TENM2: variants seen among roughly 807,000 people sequenced by gnomAD.
TENM2 encodes the protein teneurin transmembrane protein 2.
TENM2 carries 52 observed loss-of-function variants against 245.2 expected under a neutral mutation model. The observed-to-expected ratio is 0.21, with a 90% CI of 0.17 to 0.27. The LOEUF (loss-of-function observed/expected upper bound fraction) is 0.27. Among genes scored for constraint, TENM2 ranks in the 10% least tolerant of loss-of-function variants. The probability of loss-of-function intolerance (pLI) is 1.00; values close to 1 mark genes in which losing one functional copy is unlikely to be tolerated. For synonymous variants in TENM2, 1,363 were observed against 1,438.9 expected, an observed-to-expected ratio of 0.95 and a Z score of 1.19; for missense variants, 3,046 against 3,666.8, an observed-to-expected ratio of 0.83 and a Z score of 4.37.
At position 167,867,378 on chromosome 5, in the gene TENM2, A is replaced by T. The variant is rs568179482; in HGVS notation, c.503-8608A>T. 2.0e-5 allele frequency among the ~76,000 whole-genome samples: 3 copies of T among 152,356 alleles called. No homozygotes were observed. The South Asian group carries it at 6.2e-4, about 32-fold the overall frequency. ...ATGTTGTTGGTGAGATATAGAAACG[A>T]CACCCAAATGCATAGGGTCTCAAAC... On this transcript the variant is annotated intron_variant, in intron 2 of 28. Transcript: ENST00000518659.
intron 2 of TENM2, among the ~76,000 whole-genome samples, chr5:167,448,723 G>C (rs1040654549): frequency 3.3e-5 from 5 of 151,730 alleles, no homozygotes; most frequent in Non-Finnish European, 7.4e-5. Context: ...AACGTACCGA[G>C]AAAGTTTACA....
rs1793435311 is a variant in TENM2 at position 168,097,150 on chromosome 5, T to C, written c.1712-876T>C. On this transcript the variant is annotated intron_variant, in intron 8 of 28. Transcript: ENST00000518659. The stretch of plus-strand genomic sequence containing the variant: ...ATTTAAGCAGTCTATGCATTTGGGT[T>C]TTTCTTTTATTAGAATTCCTTAAAG... Among the ~76,000 whole-genome samples the C allele has an allele frequency of 2.6e-5, 4 of 152,196 alleles. 1 individual carries two copies. Among genetic ancestry groups the C allele is most frequent in the African/African-American group, 9.7e-5 (4 of 41,442 alleles).
At chr5:168,132,605 T>C (rs148554639) in intron 12 of TENM2, among the ~76,000 whole-genome samples, 8 of 152,318 alleles carry the variant, frequency 5.3e-5, no homozygotes, top group East Asian at 1.9e-4. Flanking sequence ...TAGCTTGATA[T>C]AAGGTATTCC....
At chr5:168,201,377 AC>A (rs1295609638) in intron 17 of TENM2, among the ~76,000 whole-genome samples, 15 of 151,954 alleles carry the variant, frequency 9.9e-5, no homozygotes, top group African/African-American at 3.6e-4. Context: ...TGTAGCTAAT[AC>A]CAAAATGACA....
At chr5:167,316,674 G>GTA (rs1756383142) in intron 1 of TENM2, among the ~76,000 whole-genome samples, 1 of 152,140 alleles carries the variant, frequency 6.6e-6, no homozygotes, top group Admixed American at 6.6e-5. Context: ...GTTCACTTTA[G>GTA]TAAACTCTGT....
intron 2 of TENM2, among the ~76,000 whole-genome samples, chr5:167,716,084 C>T (rs1024800366): frequency 1.3e-4 from 20 of 152,090 alleles, no homozygotes; most frequent in Admixed American, 9.8e-4. Context: ...GCCAGGAGCC[C>T]GAGGCTCTTC....
At chr5:167,181,000 C>T in the TENM2 span, among the ~76,000 whole-genome samples, 239 of 151,824 alleles carry the variant, frequency 1.6e-3, 1 homozygote, top group African/African-American at 5.6e-3. Context: ...ATGGGACCTA[C>T]GCAGTTCAAA....
chr5:167,458,310 A>T (rs1766045668), intron 2 of TENM2, among the ~76,000 whole-genome samples: 1 of 145,432 alleles, frequency 6.9e-6, no homozygotes, highest in Admixed American at 7.0e-5. Context: ...AACATGGTGA[A>T]ACCCTGTCTC....
At chr5:167,417,689 C>T (rs886692846) in intron 2 of TENM2, among the ~76,000 whole-genome samples, 8 of 151,966 alleles carry the variant, frequency 5.3e-5, no homozygotes, top group African/African-American at 1.9e-4. Flanking sequence ...GTCAAAGAAA[C>T]AGAGGTGTGA....
chr5:167,452,852 G>A (rs1012492769), intron 2 of TENM2, among the ~76,000 whole-genome samples: 31 of 142,496 alleles, frequency 2.2e-4, no homozygotes, highest in African/African-American at 5.7e-4. Flanking sequence ...AATGGGTGCA[G>A]CACACCAACA....
chr5:167,964,788 C>G (rs1428836603), intron 4 of TENM2, among the ~76,000 whole-genome samples: 8 of 146,124 alleles, frequency 5.5e-5, no homozygotes, highest in African/African-American at 2.2e-4. Context: ...AAAGAGAAAG[C>G]AAGAGAAAGC....
intron 2 of TENM2, among the ~76,000 whole-genome samples, chr5:167,393,665 G>A (rs984948532): frequency 2.0e-5 from 3 of 152,120 alleles, no homozygotes; most frequent in African/African-American, 7.2e-5. Context: ...AGGGAAATAA[G>A]CATCCAGACA....
At chr5:167,979,952 A>G (rs1198214081) in intron 4 of TENM2, among the ~76,000 whole-genome samples, 2 of 152,186 alleles carry the variant, frequency 1.3e-5, no homozygotes, top group Non-Finnish European at 2.9e-5. Flanking sequence ...GCAGAGAGAA[A>G]CTTTTTACAT....
chr5:167,746,712 A>AGAGAGAGAGAGAGC (rs751185236), intron 2 of TENM2, among the ~76,000 whole-genome samples: 1 of 149,684 alleles, frequency 6.7e-6, no homozygotes. Context: ...AGAGAGAGAG[A>AGAGAGAGAGAGAGC]GAGCTGGACT....
rs576259499 is a variant in TENM2, at chr5:168,009,090, A to G, written c.1186+15908A>G. On this transcript the variant is annotated intron_variant, in intron 5 of 28. Coordinates refer to ENST00000518659, the Ensembl canonical transcript of TENM2. Reference sequence around the variant, plus strand: ...AACGTAGTGCTTACATGTAGTGCAAATTCTGCGAACCAAGAAGAGTCATTG... The same window carrying G: ...AACGTAGTGCTTACATGTAGTGCAAGTTCTGCGAACCAAGAAGAGTCATTG... Among the ~76,000 whole-genome samples, 5 of 152,346 alleles carry G rather than the reference A, an allele frequency of 3.3e-5. No individual in the cohort carries two copies. In the East Asian group the frequency reaches 7.7e-4, roughly 24 times the overall value.
chr5:167,249,798 A>G, the TENM2 span, among the ~76,000 whole-genome samples: 1 of 148,624 alleles, frequency 6.7e-6, no homozygotes, highest in Admixed American at 6.9e-5. Context: ...TATACTCACT[A>G]AGATGTAAAC....
chr5:167,419,712 A>G (rs528120866), intron 2 of TENM2, among the ~76,000 whole-genome samples: 3 of 152,352 alleles, frequency 2.0e-5, no homozygotes, highest in East Asian at 1.9e-4. Flanking sequence ...GGATTTACTC[A>G]TCACTTTCTG....
chr5:168,200,186 C>T (rs1029528278), intron 17 of TENM2, 55 bp downstream of exon 19: 22 of 1,519,354 alleles, frequency 1.4e-5, no homozygotes, highest in Admixed American at 1.1e-4. Flanking sequence ...TGTGTTAATT[C>T]GACCCATATT....
chr5:168,016,619 T>C (rs905788003), intron 5 of TENM2, among the ~76,000 whole-genome samples: 16 of 152,184 alleles, frequency 1.1e-4, no homozygotes, highest in Non-Finnish European at 1.5e-5. Flanking sequence ...CCACGTCTAC[T>C]GCCTCTTGGC....
Sources: allele counts gnomAD v4.1 joint callset (sites outside exome capture counted in the v4.1 genomes callset), GRCh38; gene constraint gnomAD v4.1.1; transcripts MANE v1.5; gene names NCBI Gene and HGNC (gene_info 2026-07-23, HGNC 2026-07-21).